TCF20: variants seen among roughly 807,000 people sequenced by gnomAD.
TCF20 encodes SPRE-binding protein.
A neutral mutation model predicts 148.6 loss-of-function variants in TCF20; 3 were observed. That is an observed-to-expected ratio of 0.02 (90% CI 0.01 to 0.05). The LOEUF (loss-of-function observed/expected upper bound fraction) is 0.05, where lower values mean the gene tolerates loss of function less well. Ranked by LOEUF, TCF20 falls within the 10% of genes least tolerant of loss-of-function variation. The pLI is 1.00. For synonymous variants in TCF20, 1,049 were observed against 909.5 expected, an observed-to-expected ratio of 1.15 and a Z score of -2.76; for missense variants, 2,350 against 2,429.3, an observed-to-expected ratio of 0.97 and a Z score of 0.69.
At chr22:42,192,934 C>G (rs1320889975) in intron 2 of TCF20, among the ~76,000 whole-genome samples, 1 of 152,190 alleles carries the variant, frequency 6.6e-6, no homozygotes, top group African/African-American at 2.4e-5. Context: ...GCCACCTGCA[C>G]CAGCATGGTC....
chr22:42,267,329 T>C (rs1926341639), intron 1 of TCF20, among the ~76,000 whole-genome samples: 1 of 152,162 alleles, frequency 6.6e-6, no homozygotes, highest in Admixed American at 6.5e-5. Context: ...AACACCACAC[T>C]GAACGCAAGG....
chr22:42,183,511 A>T (rs992575008), intron 2 of TCF20, among the ~76,000 whole-genome samples: 10 of 152,212 alleles, frequency 6.6e-5, no homozygotes, highest in African/African-American at 2.4e-4. Context: ...CTGGCCTGGA[A>T]GATGGGAGAA....
At chr22:42,343,021 G>T (rs1928195064) in intron 1 of TCF20, among the ~76,000 whole-genome samples, 1 of 152,204 alleles carries the variant, frequency 6.6e-6, no homozygotes, top group African/African-American at 2.4e-5. Context: ...AAACGCAAGC[G>T]CTTACAGTGG....
intron 2 of TCF20, 86 bp from the exon 3 acceptor site, chr22:42,179,788 C>T: frequency 2.3e-6 from 2 of 854,902 alleles, no homozygotes; most frequent in Non-Finnish European, 4.0e-6. Context: ...TCTGTTAGAC[C>T]TCAGCACGTG....
At chr22:42,244,778 A>G (rs770414911) in intron 1 of TCF20, among the ~76,000 whole-genome samples, 1 of 152,154 alleles carries the variant, frequency 6.6e-6, no homozygotes, top group Non-Finnish European at 1.5e-5. Flanking sequence ...CGTGAATTTC[A>G]TATCAATTTA....
At chr22:42,318,503 G>A (rs1010392429) in intron 1 of TCF20, among the ~76,000 whole-genome samples, 1 of 152,222 alleles carries the variant, frequency 6.6e-6, no homozygotes, top group Non-Finnish European at 1.5e-5. Context: ...GCAGGGAGGA[G>A]AGAAGAGCTT....
At chr22:42,215,493 A>C (rs1181089122) in intron 1 of TCF20, 152 bp from the exon 2 acceptor site, 2 of 1,016,842 alleles carry the variant, frequency 2.0e-6, no homozygotes, top group African/African-American at 1.6e-5. Context: ...TTTTTGAGAC[A>C]AGAGTCTCAC....
At chr22:42,222,133 T>C (rs1165655356) in intron 1 of TCF20, among the ~76,000 whole-genome samples, 1 of 152,212 alleles carries the variant, frequency 6.6e-6, no homozygotes, top group African/African-American at 2.4e-5. Flanking sequence ...CAGTGTCACT[T>C]GTGACTGTAA....
upstream of TCF20, among the ~76,000 whole-genome samples, chr22:42,285,788 G>GCT (rs948181010): frequency 3.2e-4 from 49 of 152,000 alleles, no homozygotes; most frequent in African/African-American, 1.2e-3. The surrounding 1 kb of genome is among the most constrained non-coding windows in gnomAD (Gnocchi z 4.2). Flanking sequence ...AACAAACCAT[G>GCT]CTCTCTCTTG....
chr22:42,243,054 G>A (rs1601649932), intron 1 of TCF20, among the ~76,000 whole-genome samples: 1 of 152,024 alleles, frequency 6.6e-6, no homozygotes, highest in African/African-American at 2.4e-5. Flanking sequence ...AGAGGGGGAA[G>A]GATGAATACG....
At chr22:42,313,294 C>G (rs890356399) in intron 1 of TCF20, among the ~76,000 whole-genome samples, 1 of 152,164 alleles carries the variant, frequency 6.6e-6, no homozygotes, top group African/African-American at 2.4e-5. Flanking sequence ...ATGGACAAGG[C>G]GAGGTTCTCA....
intron 2 of TCF20, among the ~76,000 whole-genome samples, chr22:42,196,307 C>T (rs1937599228): frequency 6.6e-6 from 1 of 152,178 alleles, no homozygotes. Flanking sequence ...GGTTTTAAAT[C>T]GATGTGCTTT....
At chr22:42,237,425 T>TGCA (rs1031881721) in intron 1 of TCF20, among the ~76,000 whole-genome samples, 3 of 152,214 alleles carry the variant, frequency 2.0e-5, no homozygotes, top group Non-Finnish European at 4.4e-5. Flanking sequence ...CTACCACATC[T>TGCA]GCAGTTCCTG....
Position 42,212,941 on chromosome 22 carries a change from T to C in TCF20, c.2365A>G (p.Asn789Asp). ...TCATTGGTTTGACTAACCAAGACAT[T>C]GGGCCTTGTGGTTCCTTCTAGGCTA... ...AGSLEGTTRP[N>D]VLVSQTNELA... The change falls in exon 2 of 6, where the codon AAT (asparagine) becomes GAT (aspartate). Residue 789 changes from asparagine (N) to aspartate (D), a missense_variant. Transcript: ENST00000677622. 6.2e-7 allele frequency: 1 copy of C among 1,614,160 alleles called. No homozygotes were observed. The highest frequency in any genetic ancestry group is 8.5e-7 in the Non-Finnish European group (1 of 1,180,016).
At chr22:42,253,241 G>A (rs543213338) in intron 1 of TCF20, among the ~76,000 whole-genome samples, 21 of 152,276 alleles carry the variant, frequency 1.4e-4, no homozygotes, top group Non-Finnish European at 8.8e-5. Context: ...AATGAAATCA[G>A]ATACATGAGT....
At chr22:42,300,711 G>A (rs1244079528) in intron 1 of TCF20, among the ~76,000 whole-genome samples, 1 of 152,042 alleles carries the variant, frequency 6.6e-6, no homozygotes, top group Non-Finnish European at 1.5e-5. Context: ...AAAACCCCTC[G>A]TCCAGCCCAG....
intron 2 of TCF20, among the ~76,000 whole-genome samples, chr22:42,191,485 C>A (rs957993262): frequency 7.2e-5 from 11 of 152,150 alleles, no homozygotes; most frequent in Non-Finnish European, 1.3e-4. Flanking sequence ...GACGGGGTTT[C>A]ACCATATTGG....
intron 1 of TCF20, among the ~76,000 whole-genome samples, chr22:42,244,797 TG>T (rs910726150): frequency 7.6e-4 from 115 of 152,246 alleles, no homozygotes; most frequent in African/African-American, 2.7e-3. Flanking sequence ...TAAAAAAATC[TG>T]GCTGGGCGCA....
Position 42,211,413 on chromosome 22 carries a change from G to T in TCF20, c.3893C>A (p.Ser1298Tyr), listed in dbSNP as rs1161058665. The T allele has an allele frequency of 6.2e-7, 1 of 1,614,172 alleles. No homozygotes were observed. Among genetic ancestry groups the T allele is most frequent in the South Asian group, 1.1e-5 (1 of 91,070 alleles). ...CTGACTGTGAGAAAGATGGGCATAG[G>T]AATTGAATGCTTTATCAGCGCCTTC... ...SKEGADKAFN[S>Y]YAHLSHSQDI... Residue 1298 changes from serine (S) to tyrosine (Y), a missense_variant, in exon 2 of 6, where the codon TCC becomes TAC. By Grantham distance (144) the Ser-to-Tyr change is moderately radical. Transcript: ENST00000677622.
Sources: allele counts gnomAD v4.1 joint callset (sites outside exome capture counted in the v4.1 genomes callset), GRCh38; gene constraint gnomAD v4.1.1; non-coding constraint Gnocchi (gnomAD v3.1); transcripts MANE v1.5; gene names NCBI Gene and HGNC (gene_info 2026-07-23, HGNC 2026-07-21).